The following NAV3 variants were observed in gnomAD, a reference collection of about 807,000 sequenced individuals.
The protein encoded by NAV3 is neuron navigator 3.
NAV3 carries 87 observed loss-of-function variants against 244.7 expected under a neutral mutation model. The observed-to-expected ratio is 0.36, with a 90% CI of 0.30 to 0.42. The LOEUF (loss-of-function observed/expected upper bound fraction) is 0.42. Among genes scored for constraint, NAV3 ranks in the 20% least tolerant of loss-of-function variants. NAV3 has a pLI of 1.00. For missense variants in NAV3, 2,663 were observed against 2,893.3 expected, an observed-to-expected ratio of 0.92 and a Z score of 1.83; for synonymous variants, 1,126 against 1,042.2, an observed-to-expected ratio of 1.08 and a Z score of -1.55.
chr12:78,198,576 A>C (rs1959239354), intron 35 of NAV3, 29 bp from the exon 36 acceptor site: 4 of 1,396,794 alleles, frequency 2.9e-6, no homozygotes, highest in Non-Finnish European at 4.0e-6. Context: ...CCTCCAGTAA[A>C]TTAAAATTTT....
At chr12:77,952,554 A>T (rs958319171) in intron 3 of NAV3, among the ~76,000 whole-genome samples, 1 of 152,036 alleles carries the variant, frequency 6.6e-6, no homozygotes, top group African/African-American at 2.4e-5. Context: ...CAGTCCTCCA[A>T]TTTTGTACTT....
chr12:78,127,527 TG>T (rs1275319054), intron 17 of NAV3, among the ~76,000 whole-genome samples: 2 of 152,126 alleles, frequency 1.3e-5, no homozygotes, highest in Non-Finnish European at 1.5e-5. Context: ...ATTACTTTTT[TG>T]GGGGCAGCAA....
At chr12:77,834,324 A>AT (rs773262321) in intron 1 of NAV3, among the ~76,000 whole-genome samples, 2 of 152,158 alleles carry the variant, frequency 1.3e-5, no homozygotes, top group Non-Finnish European at 2.9e-5. Flanking sequence ...CTAACATAGC[A>AT]TTGTCCATGT....
intron 2 of NAV3, among the ~76,000 whole-genome samples, chr12:77,780,317 C>T (rs980970234): frequency 6.6e-6 from 1 of 152,150 alleles, no homozygotes; most frequent in Non-Finnish European, 1.5e-5. Context: ...GTATTTCCCC[C>T]TATTGAACCC....
At chr12:77,767,524 G>A (rs958830144) in intron 2 of NAV3, among the ~76,000 whole-genome samples, 4 of 152,218 alleles carry the variant, frequency 2.6e-5, no homozygotes, top group Non-Finnish European at 5.9e-5. Context: ...GGCAAGGGAT[G>A]TGTGAGTAGG....
chr12:78,145,830 A>G (rs754614847), intron 20 of NAV3, among the ~76,000 whole-genome samples: 4 of 152,168 alleles, frequency 2.6e-5, no homozygotes, highest in African/African-American at 7.2e-5. Context: ...GAAAAAGTAG[A>G]AGTAAATAAT....
intron 5 of NAV3, among the ~76,000 whole-genome samples, chr12:77,982,824 A>G (rs1436263882): frequency 6.6e-6 from 1 of 152,186 alleles, no homozygotes; most frequent in Non-Finnish European, 1.5e-5. Flanking sequence ...ATCCACTTCC[A>G]AGATGACTTC....
rs987044681 is a variant in NAV3 at position 78,140,382 on chromosome 12, A to G, written c.4683+48A>G. ...AAGCTTGTGCTTTTGCCATGCACAC[A>G]GATGATGAAATAGATCATTTTACTG... On this transcript the variant is annotated intron_variant, in intron 20 of 39. Transcript: ENST00000397909. The G allele has an allele frequency of 2.8e-6, 4 of 1,428,216 alleles. No homozygotes were observed. In the African/African-American group the frequency reaches 5.6e-5, roughly 20 times the overall value. 88.5% of individuals were successfully genotyped at this position (1,428,216 alleles called of 1,614,324 possible).
At chr12:77,611,581 A>G (rs2136821571) in intron 2 of NAV3, among the ~76,000 whole-genome samples, 1 of 152,040 alleles carries the variant, frequency 6.6e-6, no homozygotes. Flanking sequence ...CTCAATCACC[A>G]GTTCTACTCC....
chr12:77,633,190 C>T (rs1252899893), intron 2 of NAV3, among the ~76,000 whole-genome samples: 1 of 151,916 alleles, frequency 6.6e-6, no homozygotes, highest in Non-Finnish European at 1.5e-5. Flanking sequence ...CTATTATCTC[C>T]ATTTAGTAAC....
Position 78,042,506 on chromosome 12 carries a change from A to T in NAV3, c.2024-7487A>T, listed in dbSNP as rs117905928. 8.7e-4 allele frequency among the ~76,000 whole-genome samples: 133 copies of T among 152,272 alleles called. No homozygotes were observed. In the East Asian group the frequency reaches 0.024, roughly 28 times the overall value. ...AAAGCTATTGCTTCCATAAGAAAAG[A>T]CCTCAGCCGGGCATGGTGGCTCACG... On this transcript the variant is annotated intron_variant, in intron 9 of 39. Transcript: ENST00000397909.
chr12:77,873,744 G>GTGTGTGTATA (rs776225440), intron 1 of NAV3, among the ~76,000 whole-genome samples: 4 of 73,180 alleles, frequency 5.5e-5, no homozygotes, highest in Non-Finnish European at 1.2e-4. Context: ...ATGTGTGTGT[G>GTGTGTGTATA]TATATATATA....
At chr12:77,891,182 T>G (rs1210956901) in intron 1 of NAV3, among the ~76,000 whole-genome samples, 1 of 151,112 alleles carries the variant, frequency 6.6e-6, no homozygotes, top group African/African-American at 2.4e-5. Context: ...TCCCAGTAAT[T>G]TAGGTAGGGC....
intron 12 of NAV3, among the ~76,000 whole-genome samples, chr12:78,074,501 G>A (rs1952944680): frequency 6.6e-6 from 1 of 152,064 alleles, no homozygotes; most frequent in African/African-American, 2.4e-5. Flanking sequence ...TCAGGAGTTC[G>A]AGACCAGCCT....
At chr12:78,206,463 TATA>T (rs1960316425) in intron 39 of NAV3, among the ~76,000 whole-genome samples, 2 of 152,180 alleles carry the variant, frequency 1.3e-5, no homozygotes, top group South Asian at 4.1e-4. Flanking sequence ...GCAGTTTTTA[TATA>T]ATATGTCTGT....
rs138464916 is a variant in NAV3 at position 77,690,389 on chromosome 12, C to T, written c.72+118123C>T. 4.2e-3 allele frequency among the ~76,000 whole-genome samples: 638 copies of T among 151,828 alleles called. 6 individuals are homozygous for T. The highest frequency in any genetic ancestry group is 0.015 in the African/African-American group (619 of 41,498). On this transcript the variant is annotated intron_variant, in intron 2 of 8. Coordinates refer to the NAV3 transcript ENST00000550042. ...GGCTACTAACATTTTCTAGAAAATT[C>T]ATTGTTTAGAAAGGATAATGTCATT... is the stretch of plus-strand genomic sequence containing the variant.
chr12:77,771,784 G>T (rs1279060940), intron 2 of NAV3, among the ~76,000 whole-genome samples: 1 of 151,984 alleles, frequency 6.6e-6, no homozygotes. Flanking sequence ...AGAGGGGAGG[G>T]ATAGCATTAG....
At chr12:78,013,822 G>T (rs373885055) in intron 8 of NAV3, among the ~76,000 whole-genome samples, 4 of 152,086 alleles carry the variant, frequency 2.6e-5, no homozygotes, top group Non-Finnish European at 2.9e-5. Flanking sequence ...CTCGAAGGAG[G>T]TTCCAGTTAT....
In NAV3 at chr12:78,123,621, A is replaced by G. The variant is rs556469227; in HGVS notation, c.4238+1193A>G. Among the ~76,000 whole-genome samples the G allele has an allele frequency of 7.2e-5, 11 of 152,292 alleles. No individual in the cohort carries two copies. In the South Asian group the frequency reaches 2.3e-3, roughly 32 times the overall value. ...CAATGAGACAGGGACAGCCGTGCAA[A>G]TGGGGCTTCCCGATGATAAAGTAAT... On this transcript the variant is annotated intron_variant, in intron 16 of 39. Coordinates refer to ENST00000397909, the MANE Select transcript of NAV3 (RefSeq NM_001024383.2).
Sources: allele counts gnomAD v4.1 joint callset (sites outside exome capture counted in the v4.1 genomes callset), GRCh38; gene constraint gnomAD v4.1.1; transcripts MANE v1.5; gene names NCBI Gene and HGNC (gene_info 2026-07-23, HGNC 2026-07-21).